Variants in TRPM4 observed in about 807,000 individuals in gnomAD.
TRPM4 encodes calcium-activated non-selective cation channel 1.
A neutral mutation model predicts 135.6 loss-of-function variants in TRPM4; 124 were observed. That is an observed-to-expected ratio of 0.91 (90% CI 0.79 to 1.06). TRPM4 has a LOEUF of 1.06. TRPM4 is among the 50% of genes least tolerant of loss of function. The pLI is 0.00. For missense variants in TRPM4, 1,658 were observed against 1,671.4 expected (o/e 0.99, Z 0.14); for synonymous variants, 745 against 705.6 (o/e 1.06, Z -0.88).
chr19:49,200,274 C>T lies in TRPM4; in HGVS notation c.2646-26C>T, dbSNP rs1968862193. ...TCCTTGGCGTCTTGTGACACTTGACCCTTGTGGCATCTCCCCACACCCCAG... is the reference window on the plus strand; with the variant it reads ...TCCTTGGCGTCTTGTGACACTTGACTCTTGTGGCATCTCCCCACACCCCAG... On this transcript the variant is annotated intron_variant, in intron 17 of 24. Transcript: ENST00000252826. 3.1e-6 allele frequency: 5 copies of T among 1,614,056 alleles called. No homozygotes were observed. In the African/African-American group the frequency reaches 5.3e-5, roughly 17 times the overall value.
chr19:49,173,614 G>C (rs7247894), intron 9 of TRPM4, among the ~76,000 whole-genome samples: 1 of 152,114 alleles, frequency 6.6e-6, no homozygotes, highest in Non-Finnish European at 1.5e-5. Context: ...AAACCAAGGC[G>C]GGGGAGCATA....
rs752188238 is a variant in TRPM4 at position 49,202,881 on chromosome 19, CTTTTTT to C, written c.3131+756_3131+761del. Reference sequence around the variant, plus strand: ...TATATAAAATTTTCCATTTTTACTTCTTTTTTTTTTTTTTTTTTTTTGACGGAGTCT... The same window carrying C: ...TATATAAAATTTTCCATTTTTACTTCTTTTTTTTTTTTTTTGACGGAGTCT... On this transcript the variant is annotated intron_variant, in intron 20 of 24. Transcript: ENST00000252826. Among the ~76,000 whole-genome samples, 255 of 109,612 alleles carry C rather than the reference CTTTTTT, an allele frequency of 2.3e-3. 1 individual carries two copies. Among genetic ancestry groups the C allele is most frequent in the African/African-American group, 9.1e-3 (239 of 26,382 alleles). 71.9% of individuals were successfully genotyped at this position (109,612 alleles called of 152,430 possible). A position where few individuals can be genotyped will look rare whatever the true frequency, so the allele number is the denominator to read the frequency against.
chr19:49,185,737 C>CTTTTT (rs1968174260), intron 12 of TRPM4, among the ~76,000 whole-genome samples: 2 of 151,770 alleles, frequency 1.3e-5, no homozygotes, highest in African/African-American at 4.8e-5. Context: ...AGTGACTTTT[C>CTTTTT]TTTTTTCTTT....
At chr19:49,184,733 C>G (rs1968133186) in intron 12 of TRPM4, among the ~76,000 whole-genome samples, 1 of 151,614 alleles carries the variant, frequency 6.6e-6, no homozygotes, top group South Asian at 2.1e-4. Flanking sequence ...CCCTCCTCGG[C>G]CTCCCAAAGT....
chr19:49,194,366 A>C (rs962259974), intron 16 of TRPM4, among the ~76,000 whole-genome samples: 5 of 151,618 alleles, frequency 3.3e-5, no homozygotes, highest in Admixed American at 6.6e-5. Flanking sequence ...CCATCCTCCC[A>C]CCTCAGCCTC....
At position 49,166,193 on chromosome 19, in the gene TRPM4, G is replaced by T. The variant is rs748630178; in HGVS notation, c.245G>T (p.Gly82Val). Residue 82 changes from glycine to valine, a missense_variant, in exon 3 of 25, where the codon GGG (glycine) becomes GTG (valine). Around this residue, in one of 3 missense-constraint regions of TRPM4, gnomAD observed 239 missense variants for 240.1 expected, o/e 1.00. Transcript: ENST00000252826. Reference protein sequence around the residue: ...TDAYGELDFTGAGRKHSNFLR... With the variant: ...TDAYGELDFTVAGRKHSNFLR... ...GCCTACGGAGAGCTGGACTTCACGG[G>T]GGCCGGCCGCAAGCACAGCAATGTG... is the stretch of plus-strand genomic sequence containing the variant. 1 of 1,607,366 alleles carries T rather than the reference G, an allele frequency of 6.2e-7. No individual in the cohort carries two copies. Among genetic ancestry groups the T allele is most frequent in the South Asian group, 1.1e-5 (1 of 89,828 alleles).
intron 3 of TRPM4, 120 bp downstream of exon 3, chr19:49,166,335 C>G (rs1194227773): frequency 1.9e-6 from 2 of 1,066,138 alleles, no homozygotes; most frequent in Non-Finnish European, 2.6e-6. Context: ...TGTCTTGGCT[C>G]TCTTTGTCCC....
At chr19:49,181,492 A>G (rs753282935) in intron 10 of TRPM4, 31 bp downstream of exon 10, 15 of 1,473,840 alleles carry the variant, frequency 1.0e-5, no homozygotes, top group Non-Finnish European at 1.4e-5. Flanking sequence ...GGTTGGGCAT[A>G]CTGACAAAGG....
intron 10 of TRPM4, 72 bp downstream of exon 10, chr19:49,181,533 T>C (rs865799787): frequency 0.022 from 11,595 of 525,184 alleles, 85 homozygotes; most frequent in Non-Finnish European, 0.022. Flanking sequence ...CTGCCTTCTT[T>C]TTTTTTTTTT....
At chr19:49,206,613 AT>A (rs1425778343) in intron 20 of TRPM4, among the ~76,000 whole-genome samples, 1 of 151,114 alleles carries the variant, frequency 6.6e-6, no homozygotes, top group African/African-American at 2.4e-5. Context: ...CTAATTTTGT[AT>A]TTTTAGTAGA....
intron 1 of TRPM4, 148 bp downstream of exon 1, chr19:49,158,038 G>A (rs887287072): frequency 4.0e-6 from 5 of 1,254,018 alleles, no homozygotes; most frequent in Non-Finnish European, 5.7e-6. Context: ...AGGGCATGGG[G>A]GTCGAGACTC....
intron 10 of TRPM4, 36 bp downstream of exon 10, chr19:49,181,497 C>G (rs1190270019): frequency 1.8e-6 from 2 of 1,132,274 alleles, no homozygotes; most frequent in Non-Finnish European, 1.3e-6. Flanking sequence ...GGCATACTGA[C>G]AAAGGGACTG....
At chr19:49,195,480 C>T (rs2682602) in intron 16 of TRPM4, among the ~76,000 whole-genome samples, 5,771 of 152,212 alleles carry the variant, frequency 0.038, 350 homozygotes, top group African/African-American at 0.13. Flanking sequence ...AAGCGATTCT[C>T]CTGCATCAGC....
At chr19:49,172,932 C>T (rs1485416859) in intron 9 of TRPM4, among the ~76,000 whole-genome samples, 1 of 149,334 alleles carries the variant, frequency 6.7e-6, no homozygotes, top group Non-Finnish European at 1.5e-5. Flanking sequence ...ACCTGTCCAT[C>T]CACACATCCA....
intron 2 of TRPM4, chr19:49,159,023 AGTTTT>A (rs1321215156): frequency 1.9e-5 from 2 of 104,304 alleles, no homozygotes; most frequent in Non-Finnish European, 3.8e-5. Context: ...CAGGCTTTCT[AGTTTT>A]TTTTTTTTTT....
rs1471356927 is a variant in TRPM4, at chr19:49,158,023, G to A, written c.24+133G>A. ...GGGGATGGGAGGGTCCAGGTTCCAG[G>A]GTCCAGGGCATGGGGGTCGAGACTC... is the stretch of plus-strand genomic sequence containing the variant. On this transcript the variant is annotated intron_variant, in intron 1 of 24. Coordinates refer to ENST00000252826, the MANE Select transcript of TRPM4 (RefSeq NM_017636.4). 3.9e-6 allele frequency: 5 copies of A among 1,296,652 alleles called. No individual in the cohort carries two copies. The African/African-American group carries it at 7.2e-5, about 19-fold the overall frequency. 80.3% of individuals were successfully genotyped at this position (1,296,652 alleles called of 1,614,324 possible).
intron 9 of TRPM4, among the ~76,000 whole-genome samples, chr19:49,178,673 GT>G (rs1970780677): frequency 6.6e-6 from 1 of 152,126 alleles, no homozygotes; most frequent in South Asian, 2.1e-4. Context: ...AAGGGACAAG[GT>G]GGGGCCAGGG....
chr19:49,174,828 C>A (rs73574404), intron 9 of TRPM4, among the ~76,000 whole-genome samples: 1 of 150,486 alleles, frequency 6.6e-6, no homozygotes, highest in Non-Finnish European at 1.5e-5. Flanking sequence ...AGTAAGCTAA[C>A]GAGTGGGACA....
chr19:49,185,104 T>C (rs1410009191), intron 12 of TRPM4, among the ~76,000 whole-genome samples: 1 of 152,174 alleles, frequency 6.6e-6, no homozygotes, highest in Non-Finnish European at 1.5e-5. Context: ...CCTTTAGCTC[T>C]TCGAGCATAT....
Sources: allele counts gnomAD v4.1 joint callset (sites outside exome capture counted in the v4.1 genomes callset), GRCh38; gene constraint gnomAD v4.1.1; regional missense constraint gnomAD v4.1.1; transcripts MANE v1.5; gene names NCBI Gene and HGNC (gene_info 2026-07-23, HGNC 2026-07-21).